DRC11: variants seen among roughly 807,000 people sequenced by gnomAD.
The protein encoded by DRC11 is IQ and AAA domain-containing protein 1.
chr2:236,441,421 A>G, the DRC11 span, among the ~76,000 whole-genome samples: 1 of 151,964 alleles, frequency 6.6e-6, no homozygotes, highest in Non-Finnish European at 1.5e-5. Flanking sequence ...TTTAAGAATG[A>G]AGACAGAAGC....
At chr2:236,337,271 G>T in the DRC11 span, among the ~76,000 whole-genome samples, 1 of 152,070 alleles carries the variant, frequency 6.6e-6, no homozygotes, top group African/African-American at 2.4e-5. This position sits in a 1 kb window ranked among gnomAD's most constrained non-coding sequence, Gnocchi z 4.9. Flanking sequence ...GAGCCTTCAG[G>T]GAGGTTTTCA....
the DRC11 span, among the ~76,000 whole-genome samples, chr2:236,320,254 A>C: frequency 1.6e-4 from 25 of 152,198 alleles, no homozygotes; most frequent in Non-Finnish European, 3.5e-4. Flanking sequence ...TTTACAGCCC[A>C]CAGTCTTGGT....
the DRC11 span, among the ~76,000 whole-genome samples, chr2:236,366,701 A>ACCCTT: frequency 6.6e-6 from 1 of 151,874 alleles, no homozygotes; most frequent in Middle Eastern, 3.4e-3. Context: ...TGTGAAATAC[A>ACCCTT]CCAACCTCAT....
the DRC11 span, among the ~76,000 whole-genome samples, chr2:236,348,089 A>G: frequency 6.6e-6 from 1 of 152,262 alleles, no homozygotes; most frequent in Non-Finnish European, 1.5e-5. This position sits in a 1 kb window ranked among gnomAD's most constrained non-coding sequence, Gnocchi z 7.4. Context: ...TGATTTTTAA[A>G]AGAACGTTTA....
the DRC11 span, among the ~76,000 whole-genome samples, chr2:236,351,322 TG>T: frequency 6.7e-6 from 1 of 149,556 alleles, no homozygotes; most frequent in Non-Finnish European, 1.5e-5. This position sits in a 1 kb window ranked among gnomAD's most constrained non-coding sequence, Gnocchi z 7.3. Context: ...AGTGGGCGGG[TG>T]GGGGGAACCA....
the DRC11 span, among the ~76,000 whole-genome samples, chr2:236,381,091 A>G: frequency 6.6e-6 from 1 of 152,140 alleles, no homozygotes; most frequent in Admixed American, 6.6e-5. The surrounding 1 kb of genome is among the most constrained non-coding windows in gnomAD (Gnocchi z 5.8). Flanking sequence ...TTGGGAGGCA[A>G]TTAGGTCACA....
chr2:236,358,487 A>T, the DRC11 span, among the ~76,000 whole-genome samples: 1 of 144,480 alleles, frequency 6.9e-6, no homozygotes, highest in Admixed American at 7.0e-5. Context: ...TTGACAAATG[A>T]TGAACATGCA....
the DRC11 span, among the ~76,000 whole-genome samples, chr2:236,494,378 A>G: frequency 6.6e-6 from 1 of 152,194 alleles, no homozygotes; most frequent in Non-Finnish European, 1.5e-5. The surrounding 1 kb of genome is among the most constrained non-coding windows in gnomAD (Gnocchi z 4.2). Context: ...AATTATTTAC[A>G]AAAGTAGTTT....
At chr2:236,416,936 T>C in the DRC11 span, among the ~76,000 whole-genome samples, 1 of 151,234 alleles carries the variant, frequency 6.6e-6, no homozygotes, top group South Asian at 2.1e-4. Context: ...CATTTTTGTA[T>C]TTTTGTAGAG....
chr2:236,474,010 G>A, the DRC11 span, among the ~76,000 whole-genome samples: 1 of 152,118 alleles, frequency 6.6e-6, no homozygotes, highest in Non-Finnish European at 1.5e-5. Flanking sequence ...TTTAAAATGA[G>A]TAGGTAATAT....
chr2:236,334,348 C>T, the DRC11 span, among the ~76,000 whole-genome samples: 5 of 152,204 alleles, frequency 3.3e-5, no homozygotes, highest in South Asian at 2.1e-4. This position sits in a 1 kb window ranked among gnomAD's most constrained non-coding sequence, Gnocchi z 7.8. Context: ...AGACTGGAGC[C>T]GGCAGTGAGC....
chr2:236,476,723 C>CT, the DRC11 span, among the ~76,000 whole-genome samples: 4 of 149,258 alleles, frequency 2.7e-5, no homozygotes, highest in Non-Finnish European at 4.4e-5. The surrounding 1 kb of genome is among the most constrained non-coding windows in gnomAD (Gnocchi z 4.7). Flanking sequence ...AATGACCTTT[C>CT]TTTTTTTTTC....
chr2:236,455,888 T>C, the DRC11 span, among the ~76,000 whole-genome samples: 106 of 152,280 alleles, frequency 7.0e-4, no homozygotes, highest in African/African-American at 2.5e-3. The surrounding 1 kb of genome is among the most constrained non-coding windows in gnomAD (Gnocchi z 5.7). Flanking sequence ...GTGCTGTTTT[T>C]TTTTAATTTT....
At chr2:236,479,367 T>C in the DRC11 span, among the ~76,000 whole-genome samples, 2 of 152,230 alleles carry the variant, frequency 1.3e-5, no homozygotes, top group Non-Finnish European at 1.5e-5. The surrounding 1 kb of genome is among the most constrained non-coding windows in gnomAD (Gnocchi z 4.1). Context: ...TAGGTAAGAA[T>C]GTACTACTGC....
the DRC11 span, among the ~76,000 whole-genome samples, chr2:236,387,640 T>C: frequency 8.6e-5 from 13 of 151,938 alleles, no homozygotes; most frequent in African/African-American, 2.9e-4. Flanking sequence ...TGTCTTTTAA[T>C]TGGAGCATTT....
the DRC11 span, among the ~76,000 whole-genome samples, chr2:236,366,097 G>T: frequency 2.7e-4 from 41 of 152,280 alleles, no homozygotes; most frequent in South Asian, 8.3e-3. Context: ...AGTGGACACG[G>T]TTTCTGCTCT....
the DRC11 span, among the ~76,000 whole-genome samples, chr2:236,334,310 G>A: frequency 2.6e-5 from 4 of 152,194 alleles, no homozygotes; most frequent in Non-Finnish European, 5.9e-5. The surrounding 1 kb of genome is among the most constrained non-coding windows in gnomAD (Gnocchi z 7.8). Flanking sequence ...CAGGTGTGGA[G>A]GGAGGCACAG....
chr2:236,343,095 G>C, the DRC11 span, among the ~76,000 whole-genome samples: 5 of 152,148 alleles, frequency 3.3e-5, no homozygotes, highest in Non-Finnish European at 7.3e-5. This position sits in a 1 kb window ranked among gnomAD's most constrained non-coding sequence, Gnocchi z 6.6. Flanking sequence ...GCAGGGTTCC[G>C]CAGGCTCGGC....
the DRC11 span, among the ~76,000 whole-genome samples, chr2:236,492,706 G>A: frequency 1.3e-5 from 2 of 152,222 alleles, no homozygotes; most frequent in Non-Finnish European, 2.9e-5. Context: ...CTGCCATCCT[G>A]CCAGAAGGTA....
Sources: gnomAD v4.1 joint callset for allele counts (sites outside exome capture counted in the v4.1 genomes callset) on GRCh38, gnomAD v4.1.1 for gene constraint, Gnocchi (gnomAD v3.1) non-coding constraint, MANE v1.5 for transcripts, NCBI Gene and HGNC (gene_info 2026-07-23, HGNC 2026-07-21) for gene names.